The following TXNRD2 variants were observed in gnomAD, a reference collection of about 807,000 sequenced individuals.
TXNRD2 encodes thioredoxin reductase 2, also known as thioredoxin reductase 2, mitochondrial.
TXNRD2 carries 67 observed loss-of-function variants against 70.8 expected under a neutral mutation model. That is an observed-to-expected ratio of 0.95 (90% CI 0.78 to 1.16). The LOEUF is 1.16. Ranked by LOEUF, TXNRD2 falls within the 50% of genes most tolerant of loss-of-function variation. The probability of loss-of-function intolerance (pLI) is 0.00; values close to 1 mark genes in which losing one functional copy is unlikely to be tolerated. For synonymous variants in TXNRD2, 301 were observed against 295.8 expected (o/e 1.02, Z -0.18); for missense variants, 644 against 719.9 (o/e 0.89, Z 1.21).
At chr22:19,929,834 C>T (rs1007637948) in intron 2 of TXNRD2, among the ~76,000 whole-genome samples, 8 of 152,094 alleles carry the variant, frequency 5.3e-5, no homozygotes, top group African/African-American at 1.9e-4. Context: ...GATCAGGTTG[C>T]CCATTTTGAT....
At chr22:19,887,000 C>T (rs1939062443) in intron 11 of TXNRD2, among the ~76,000 whole-genome samples, 1 of 152,222 alleles carries the variant, frequency 6.6e-6, no homozygotes, top group Admixed American at 6.5e-5. Context: ...TCTGTTCCTT[C>T]CTGGGGCAGG....
Position 19,877,101 on chromosome 22 carries a change from G to GT in TXNRD2, c.*3_*4insA. The stretch of plus-strand genomic sequence containing the variant: ...CCGTGTGCCCTGGCCTGCAGGGATG[G>GT]CGCTTACCCTCAGCAGCCTGTCACC... On this transcript the variant is annotated 3_prime_UTR_variant, in exon 17 of 18. Transcript: ENST00000400521. The GT allele has an allele frequency of 6.3e-7, 1 of 1,594,948 alleles. No individual in the cohort carries two copies. Among genetic ancestry groups the GT allele is most frequent in the Non-Finnish European group, 8.6e-7 (1 of 1,165,622 alleles).
Position 19,912,068 on chromosome 22 carries a change from G to A in TXNRD2, c.592-621C>T, listed in dbSNP as rs115023788. On this transcript the variant is annotated intron_variant, in intron 7 of 17. Coordinates refer to ENST00000400521, the MANE Select transcript of TXNRD2 (RefSeq NM_006440.5). ...GAGGGCACCTGGCTGAAGCCAGGAC[G>A]GACTTCACACTCTCGAGGGCTGGCC... Among the ~76,000 whole-genome samples the A allele has an allele frequency of 4.0e-3, 612 of 152,276 alleles. 3 individuals are homozygous for A. Among genetic ancestry groups the A allele is most frequent in the African/African-American group, 0.013 (556 of 41,534 alleles).
chr22:19,904,105 T>G (rs1315433201), intron 8 of TXNRD2, among the ~76,000 whole-genome samples: 1 of 151,924 alleles, frequency 6.6e-6, no homozygotes, highest in African/African-American at 2.4e-5. Context: ...CCACCAAGAC[T>G]GGGAGGACAG....
Position 19,941,653 on chromosome 22 carries a change from C to T in TXNRD2, c.103+48G>A. On this transcript the variant is annotated intron_variant, in intron 1 of 17. Transcript: ENST00000400521. Reference sequence around the variant, plus strand: ...CGCGCGGACACCCTCACGAGGACACCCCGGCCGCGCGGACACCTACCGCGG... The same window carrying T: ...CGCGCGGACACCCTCACGAGGACACTCCGGCCGCGCGGACACCTACCGCGG... 4 of 1,423,274 alleles carry T rather than the reference C, an allele frequency of 2.8e-6. No homozygotes were observed. The South Asian group carries it at 4.4e-5, about 16-fold the overall frequency. 88.2% of individuals were successfully genotyped at this position (1,423,274 alleles called of 1,614,324 possible).
chr22:19,887,527 T>C (rs561923685), intron 11 of TXNRD2: 81 of 152,334 alleles, frequency 5.3e-4, no homozygotes, highest in African/African-American at 1.8e-3. Flanking sequence ...TTTCTGTTTG[T>C]GTACTGTAGC....
rs775877650 is a variant in TXNRD2 at position 19,918,219 on chromosome 22, T to C, written c.375-2A>G. ...TGAACAGCTTCTGCCATCTTCCTCC[T>C]GTGAAGATACGAAACAAAATGTAAA... On this transcript the variant is annotated splice_acceptor_variant, in intron 4 of 17. Transcript: ENST00000400521. LOFTEE classifies it high-confidence loss of function. 4 of 1,613,922 alleles carry C rather than the reference T, an allele frequency of 2.5e-6. No homozygotes were observed. The highest frequency in any genetic ancestry group is 3.4e-6 in the Non-Finnish European group (4 of 1,179,898).
intron 11 of TXNRD2, among the ~76,000 whole-genome samples, chr22:19,886,714 C>T (rs1569075271): frequency 6.6e-6 from 1 of 152,376 alleles, no homozygotes; most frequent in East Asian, 1.9e-4. Context: ...TGCCTGTGGC[C>T]CACTGCAGGC....
chr22:19,919,494 C>T (rs918100403), intron 3 of TXNRD2, 49 bp downstream of exon 3: 1 of 1,536,594 alleles, frequency 6.5e-7, no homozygotes, highest in Non-Finnish European at 8.8e-7. Flanking sequence ...CTGGGCCCAC[C>T]TCCCACCTCC....
At chr22:19,878,282 G>A (rs1298261515) in intron 15 of TXNRD2, 84 bp downstream of exon 15, 18 of 1,591,676 alleles carry the variant, frequency 1.1e-5, no homozygotes, top group Non-Finnish European at 1.3e-5. Flanking sequence ...GCATGGGTGG[G>A]GCCAGTCCTC....
intron 2 of TXNRD2, among the ~76,000 whole-genome samples, chr22:19,925,017 G>A (rs1364555959): frequency 6.6e-6 from 1 of 151,692 alleles, no homozygotes; most frequent in Admixed American, 6.6e-5. Context: ...AGGCATGGTG[G>A]CTCACGCCTG....
At chr22:19,881,346 C>T in intron 12 of TXNRD2, 1 of 347,708 alleles carries the variant, frequency 2.9e-6, no homozygotes, top group Non-Finnish European at 5.2e-6. Context: ...TGGAGATAAA[C>T]TCAGAGCGCA....
chr22:19,931,948 T>C (rs1012612597), intron 1 of TXNRD2, among the ~76,000 whole-genome samples: 10 of 151,752 alleles, frequency 6.6e-5, no homozygotes, highest in South Asian at 4.2e-4. Context: ...ATCACAAGGT[T>C]AGGAGATCGA....
intron 8 of TXNRD2, among the ~76,000 whole-genome samples, chr22:19,905,047 T>G (rs1412256883): frequency 6.6e-6 from 1 of 152,112 alleles, no homozygotes; most frequent in Non-Finnish European, 1.5e-5. Flanking sequence ...GAAATGCTAC[T>G]GTAGACCCTC....
intron 12 of TXNRD2, among the ~76,000 whole-genome samples, chr22:19,882,876 G>A (rs1938844965): frequency 6.6e-6 from 1 of 152,278 alleles, no homozygotes; most frequent in Non-Finnish European, 1.5e-5. Context: ...GATGCCCAGA[G>A]AGGCAAGCCA....
chr22:19,926,212 AGGCACGGTGGCTCATGCCTGTAATACC>A (rs374087671), intron 2 of TXNRD2, among the ~76,000 whole-genome samples: 3,727 of 145,366 alleles, frequency 0.026, 67 homozygotes, highest in Admixed American at 0.038. Flanking sequence ...CGAAGAGGCC[AGGCACGGTGGCTCATGCCTGTAATACC>A]GGCACTCTGG....
intron 2 of TXNRD2, 108 bp from the exon 3 acceptor site, chr22:19,919,707 G>A: frequency 9.0e-7 from 1 of 1,114,154 alleles, no homozygotes; most frequent in Non-Finnish European, 1.3e-6. Flanking sequence ...GCAGGGCCTG[G>A]GCCTGCGGCT....
At chr22:19,884,644 C>A (rs75188079) in intron 11 of TXNRD2, 9,639 of 152,330 alleles carry the variant, frequency 0.063, 415 homozygotes, top group Middle Eastern at 0.13. Flanking sequence ...TCAAGGGACA[C>A]CTGCTGGCTC....
At chr22:19,880,578 C>T (rs1237236300) in intron 13 of TXNRD2, 44 bp downstream of exon 13, 1 of 1,574,934 alleles carries the variant, frequency 6.3e-7, no homozygotes, top group Non-Finnish European at 8.7e-7. Context: ...GCCTCGAACT[C>T]AGCCTGTCCT....
Sources: allele counts gnomAD v4.1 joint callset (sites outside exome capture counted in the v4.1 genomes callset), GRCh38; gene constraint gnomAD v4.1.1; transcripts MANE v1.5; gene names NCBI Gene and HGNC (gene_info 2026-07-23, HGNC 2026-07-21).